KIF21B: variants seen among roughly 807,000 people sequenced by gnomAD.
KIF21B encodes kinesin-like protein KIF21B.
In KIF21B, 85 loss-of-function variants were observed where a neutral mutation model predicts 192.9. That is an observed-to-expected ratio of 0.44 (90% CI 0.37 to 0.53). KIF21B has a LOEUF of 0.53. Among genes scored for constraint, KIF21B ranks in the 20% least tolerant of loss-of-function variants. The probability of loss-of-function intolerance (pLI) is 0.00; values close to 1 mark genes in which losing one functional copy is unlikely to be tolerated. For missense variants in KIF21B, 1,716 were observed against 2,194.8 expected (o/e 0.78, Z 4.36); for synonymous variants, 832 against 884.6 (o/e 0.94, Z 1.05).
rs1416098796 is a variant in KIF21B, at chr1:200,990,021, G to T, written c.3053C>A (p.Thr1018Lys). 1 of 1,613,862 alleles carries T rather than the reference G, an allele frequency of 6.2e-7. No homozygotes were observed. Among genetic ancestry groups the T allele is most frequent in the Admixed American group, 1.7e-5 (1 of 60,002 alleles). ...GGAGCAGGAGCTGATGACCACGGAT[G>T]TGTCTGTGGAGTCCAGCTCCTCCTA... Reference protein sequence around the residue: ...ETKEELDSTDTSVVISSCSLA... With the variant: ...ETKEELDSTDKSVVISSCSLA... Residue 1018 changes from threonine (T) to lysine (K), a missense_variant, in exon 21 of 35, where the codon ACA becomes AAA. Transcript: ENST00000461742. This position sits in a 1 kb window ranked among gnomAD's most constrained non-coding sequence, Gnocchi z 5.4.
Position 200,982,918 on chromosome 1 carries a change from G to A in KIF21B, c.3842+138C>T, listed in dbSNP as rs968707454. Reference sequence around the variant, plus strand: ...GGGGCAGGAACAGGTCTGGAGAGGGGGGCAGCAGGAAGGGGAGTGGAGGGG... The same window carrying A: ...GGGGCAGGAACAGGTCTGGAGAGGGAGGCAGCAGGAAGGGGAGTGGAGGGG... On this transcript the variant is annotated intron_variant, in intron 28 of 34. Transcript: ENST00000461742. This position sits in a 1 kb window ranked among gnomAD's most constrained non-coding sequence, Gnocchi z 4.7. The A allele has an allele frequency of 1.3e-6, 1 of 765,490 alleles. No homozygotes were observed. The highest frequency in any genetic ancestry group is 2.2e-6 in the Non-Finnish European group (1 of 449,460). 47.4% of individuals were successfully genotyped at this position (765,490 alleles called of 1,614,324 possible). A position where few individuals can be genotyped will look rare whatever the true frequency, so the allele number is the denominator to read the frequency against.
intron 3 of KIF21B, among the ~76,000 whole-genome samples, chr1:201,007,049 GACACACACAC>G (rs1213941198): frequency 1.5e-5 from 1 of 68,438 alleles, no homozygotes; most frequent in Non-Finnish European, 2.9e-5. Flanking sequence ...GAGACACATA[GACACACACAC>G]ACACAGACAC....
In KIF21B at chr1:200,991,000, G is replaced by A. The variant is rs1377302145; in HGVS notation, c.2604C>T (p.Ser868=). The A allele has an allele frequency of 3.7e-6, 6 of 1,614,090 alleles. No individual in the cohort carries two copies. Among genetic ancestry groups the A allele is most frequent in the Non-Finnish European group, 5.1e-6 (6 of 1,180,056 alleles). ...EAESGARSVS[S]IVRQWNRKIN... Reference sequence around the variant, plus strand: ...TTTTGCGGTTCCACTGGCGCACGATGCTGGAGACAGAGCGGGCCCCTGATT... The same window carrying A: ...TTTTGCGGTTCCACTGGCGCACGATACTGGAGACAGAGCGGGCCCCTGATT... Residue 868 remains serine, a synonymous_variant, in exon 18 of 35, where the codon AGC becomes AGT. Coordinates refer to ENST00000461742, the MANE Select transcript of KIF21B (RefSeq NM_001252102.2). This position sits in a 1 kb window ranked among gnomAD's most constrained non-coding sequence, Gnocchi z 5.4.
At chr1:200,994,606 C>T (rs1409620328) in intron 15 of KIF21B, among the ~76,000 whole-genome samples, 1 of 152,234 alleles carries the variant, frequency 6.6e-6, no homozygotes, top group African/African-American at 2.4e-5. Flanking sequence ...CTTGGCGTTA[C>T]ATTATTTGCC....
intron 8 of KIF21B, chr1:201,003,195 C>T (rs1227265687): frequency 6.5e-6 from 2 of 305,634 alleles, no homozygotes; most frequent in African/African-American, 2.2e-5. Flanking sequence ...ACTGGATACT[C>T]CTGTGGGCCC....
chr1:200,987,192 T>G lies in KIF21B; in HGVS notation c.3418A>C (p.Lys1140Gln). ...ACAGCTTTCATTTGGGCAGACAGTT[T>G]GGGCTCGCTCTGGGAAAAGAAGAAC... ...HDDFKFKSEPKLSAQMKAVSA... is the reference protein window; with the variant it reads ...HDDFKFKSEPQLSAQMKAVSA... Residue 1140 changes from lysine to glutamine, a missense_variant, in exon 25 of 35, where the codon AAA (lysine) becomes CAA (glutamine). Coordinates refer to ENST00000461742, the MANE Select transcript of KIF21B (RefSeq NM_001252102.2). The G allele has an allele frequency of 6.2e-7, 1 of 1,612,872 alleles. No homozygotes were observed. The highest frequency in any genetic ancestry group is 8.5e-7 in the Non-Finnish European group (1 of 1,179,476).
At chr1:200,983,487 G>A (rs1656087383) in intron 27 of KIF21B, among the ~76,000 whole-genome samples, 1 of 152,172 alleles carries the variant, frequency 6.6e-6, no homozygotes, top group South Asian at 2.1e-4. Context: ...ACCTGCCCAA[G>A]GCTGAAGGAA....
At position 201,005,369 on chromosome 1, in the gene KIF21B, C is replaced by G; in HGVS notation, c.671G>C (p.Arg224Pro). The stretch of plus-strand genomic sequence containing the variant: ...GTGGATGGTGAAGATGGCGTGGGAG[C>G]GTGAGCTCTGCACGTTCATCTGGGT... ...ASTQMNVQSS[R>P]SHAIFTIHLC... The change falls in exon 5 of 35, where the codon CGC becomes CCC. Residue 224 changes from arginine (R) to proline (P), a missense_variant. Physicochemically the swap from Arg to Pro is moderately radical, Grantham distance 103. This residue lies in a region of KIF21B where 1,087 missense variants were observed against 1,316.6 expected (regional missense o/e 0.83). Coordinates refer to ENST00000461742, the MANE Select transcript of KIF21B (RefSeq NM_001252102.2). The G allele has an allele frequency of 1.2e-6, 2 of 1,613,116 alleles. No homozygotes were observed. The highest frequency in any genetic ancestry group is 1.7e-6 in the Non-Finnish European group (2 of 1,179,652).
At position 200,974,865 on chromosome 1, in the gene KIF21B, G is replaced by C. The variant is rs1405613213; in HGVS notation, c.4663C>G (p.Pro1555Ala). 6.2e-7 allele frequency: 1 copy of C among 1,614,166 alleles called. No individual in the cohort carries two copies. The highest frequency in any genetic ancestry group is 1.1e-5 in the South Asian group (1 of 91,082). The change falls in exon 34 of 35, where the codon CCG (proline) becomes GCG (alanine). Residue 1555 changes from proline (P) to alanine (A), a missense_variant. Physicochemically the swap from Pro to Ala is conservative, Grantham distance 27. Coordinates refer to ENST00000461742, the MANE Select transcript of KIF21B (RefSeq NM_001252102.2). Reference sequence around the variant, plus strand: ...GCGCTGAGCAGCATGGGGCGGCCCGGGATGAAGGCCAGGGCGCACACCCAG... The same window carrying C: ...GCGCTGAGCAGCATGGGGCGGCCCGCGATGAAGGCCAGGGCGCACACCCAG... Reference protein sequence around the residue: ...KDWVCALAFIPGRPMLLSACR... With the variant: ...KDWVCALAFIAGRPMLLSACR...
rs765938490 is a variant in KIF21B at position 200,990,097 on chromosome 1, C to T, written c.3030+41G>A. On this transcript the variant is annotated intron_variant, in intron 20 of 34. Transcript: ENST00000461742. This position sits in a 1 kb window ranked among gnomAD's most constrained non-coding sequence, Gnocchi z 5.4. ...ACCTGGGGCTACCCCTGCCACCCAT[C>T]TCTCCCGCCTCCGCCCCAGCAGGCC... 6.2e-7 allele frequency: 1 copy of T among 1,610,170 alleles called. No homozygotes were observed. The highest frequency in any genetic ancestry group is 1.1e-5 in the South Asian group (1 of 90,818).
At chr1:200,988,602 G>T in intron 22 of KIF21B, 58 bp from the exon 23 acceptor site, 11 of 1,489,356 alleles carry the variant, frequency 7.4e-6, no homozygotes, top group Non-Finnish European at 1.0e-5. Flanking sequence ...AGTGTCGGGG[G>T]AGGGATGATG....
In KIF21B at chr1:200,982,442, C is replaced by T. The variant is rs1023157343; in HGVS notation, c.3842+614G>A. The stretch of plus-strand genomic sequence containing the variant: ...ACCCCAGGTCCTGAGTCTTGCTCCT[C>T]GTTGTGCGGTGTCATGCTCGGCTGG... On this transcript the variant is annotated intron_variant, in intron 28 of 34. Transcript: ENST00000461742. The surrounding 1 kb of genome is among the most constrained non-coding windows in gnomAD (Gnocchi z 4.7). Among the ~76,000 whole-genome samples the T allele has an allele frequency of 6.6e-6, 1 of 152,194 alleles. No individual in the cohort carries two copies. The highest frequency in any genetic ancestry group is 2.4e-5 in the African/African-American group (1 of 41,442).
rs933525814 is a variant in KIF21B at position 200,972,735 on chromosome 1, A to C, written c.*786T>G. On this transcript the variant is annotated 3_prime_UTR_variant, in exon 35 of 35. Transcript: ENST00000461742. ...CCCTCCTCTGCAAAGCAAACAGAGGAGGCGGCCCTGGAGGGCCGGGGCAGC... is the reference window on the plus strand; with the variant it reads ...CCCTCCTCTGCAAAGCAAACAGAGGCGGCGGCCCTGGAGGGCCGGGGCAGC... 5 of 152,558 alleles carry C rather than the reference A, an allele frequency of 3.3e-5. No homozygotes were observed. Among genetic ancestry groups the C allele is most frequent in the African/African-American group, 7.2e-5 (3 of 41,420 alleles). The allele number at this position is 152,558 out of a possible 1,614,324, so 9.5% of individuals were successfully genotyped here.
Position 201,016,091 on chromosome 1 carries a change from T to G in KIF21B, c.42-6603A>C, listed in dbSNP as rs116031672. 1.2e-3 allele frequency among the ~76,000 whole-genome samples: 188 copies of G among 152,358 alleles called. 2 individuals carry two copies. The highest frequency in any genetic ancestry group is 2.0e-3 in the Non-Finnish European group (137 of 68,038). On this transcript the variant is annotated intron_variant, in intron 1 of 34. Coordinates refer to ENST00000461742, the MANE Select transcript of KIF21B (RefSeq NM_001252102.2). ...GCTGGGGATATGTGCCCCATGTTAC[T>G]AAGGCTCAGCAGGTGAAATTTAACA... is the stretch of plus-strand genomic sequence containing the variant.
At chr1:201,011,527 G>T (rs907340014) in intron 1 of KIF21B, among the ~76,000 whole-genome samples, 1 of 152,238 alleles carries the variant, frequency 6.6e-6, no homozygotes, top group Non-Finnish European at 1.5e-5. Flanking sequence ...GGTTCAGAGT[G>T]CCAGGGGGAA....
intron 1 of KIF21B, among the ~76,000 whole-genome samples, chr1:201,013,144 C>A (rs56112709): frequency 0.037 from 5,615 of 152,260 alleles, 223 homozygotes; most frequent in East Asian, 0.12. Context: ...TTTACCACAC[C>A]CTGCCTAGTG....
intron 1 of KIF21B, among the ~76,000 whole-genome samples, chr1:201,015,912 G>A (rs1571972905): frequency 6.6e-6 from 1 of 152,196 alleles, no homozygotes. Flanking sequence ...GAAATCATTC[G>A]TCATTGATAT....
In KIF21B at chr1:200,996,172, A is replaced by T. The variant is rs370190611; in HGVS notation, c.2277+24T>A. On this transcript the variant is annotated intron_variant, in intron 15 of 34. Coordinates refer to ENST00000461742, the MANE Select transcript of KIF21B (RefSeq NM_001252102.2). Reference sequence around the variant, plus strand: ...AGATGTCACAGGCACTCCAGGCCCCACTCCTCACACCCTCGGCCCCTACCT... The same window carrying T: ...AGATGTCACAGGCACTCCAGGCCCCTCTCCTCACACCCTCGGCCCCTACCT... 4.3e-6 allele frequency: 7 copies of T among 1,609,972 alleles called. No homozygotes were observed. In the Admixed American group the frequency reaches 1.2e-4, roughly 27 times the overall value.
At chr1:201,014,573 G>A (rs988196954) in intron 1 of KIF21B, among the ~76,000 whole-genome samples, 2 of 152,228 alleles carry the variant, frequency 1.3e-5, no homozygotes, top group Non-Finnish European at 2.9e-5. Flanking sequence ...GGGGGAGGAT[G>A]GCCCTAGCCG....
Sources: allele counts gnomAD v4.1 joint callset (sites outside exome capture counted in the v4.1 genomes callset), GRCh38; gene constraint gnomAD v4.1.1; regional missense constraint gnomAD v4.1.1; non-coding constraint Gnocchi (gnomAD v3.1); transcripts MANE v1.5; gene names NCBI Gene and HGNC (gene_info 2026-07-23, HGNC 2026-07-21).